NLRP14: variants seen among roughly 807,000 people sequenced by gnomAD.
NLRP14 encodes NACHT, LRR and PYD domains-containing protein 14.
Under a neutral mutation model 94.7 loss-of-function variants are expected in NLRP14, and 105 were observed. The ratio of observed to expected loss-of-function variants is 1.11; its 90% CI spans 0.95 to 1.30. The LOEUF is 1.30. Among genes scored for constraint, NLRP14 ranks in the 50% most tolerant of loss-of-function variants. NLRP14 has a pLI of 0.00. For synonymous variants in NLRP14, 508 were observed against 459.9 expected (o/e 1.10, Z -1.34); for missense variants, 1,362 against 1,254.1 (o/e 1.09, Z -1.30).
chr11:7,083,564 T>C, the NLRP14 span, among the ~76,000 whole-genome samples: 1 of 152,162 alleles, frequency 6.6e-6, no homozygotes, highest in Non-Finnish European at 1.5e-5. Context: ...TTCAGGGTCT[T>C]CTCCCAGGGA....
At chr11:7,064,447 G>A (rs1238563744) in intron 10 of NLRP14, among the ~76,000 whole-genome samples, 2 of 151,996 alleles carry the variant, frequency 1.3e-5, no homozygotes, top group African/African-American at 2.4e-5. Context: ...GGATCTAGGA[G>A]AAAAAAGAGA....
At chr11:7,079,266 G>A in the NLRP14 span, among the ~76,000 whole-genome samples, 1 of 152,202 alleles carries the variant, frequency 6.6e-6, no homozygotes, top group African/African-American at 2.4e-5. Context: ...CTCTCTTGGA[G>A]GATATGGAGG....
intron 1 of NLRP14, among the ~76,000 whole-genome samples, chr11:7,027,894 A>G (rs1156673778): frequency 6.6e-6 from 1 of 152,098 alleles, no homozygotes; most frequent in Non-Finnish European, 1.5e-5. Flanking sequence ...CTTCACTTGG[A>G]GTTTTAGACA....
chr11:7,062,197 C>A (rs1852632587), intron 9 of NLRP14, 136 bp from the exon 10 acceptor site: 3 of 717,480 alleles, frequency 4.2e-6, no homozygotes, highest in African/African-American at 1.8e-5. Flanking sequence ...ATAAATTAGA[C>A]CCTCCCATGT....
intron 10 of NLRP14, among the ~76,000 whole-genome samples, chr11:7,062,735 T>G (rs542296809): frequency 6.6e-6 from 1 of 152,216 alleles, no homozygotes; most frequent in Admixed American, 6.5e-5. Flanking sequence ...GGACAGATAC[T>G]TAGTACGCAA....
chr11:7,058,177 T>G (rs1181072024), intron 7 of NLRP14, 103 bp from the exon 8 acceptor site: 3 of 920,772 alleles, frequency 3.3e-6, no homozygotes, highest in Non-Finnish European at 5.3e-6. Flanking sequence ...AATTTTATAG[T>G]TGAGGTATGG....
intron 10 of NLRP14, among the ~76,000 whole-genome samples, chr11:7,066,921 G>A (rs1191516403): frequency 6.6e-6 from 1 of 152,114 alleles, no homozygotes; most frequent in African/African-American, 2.4e-5. Flanking sequence ...TCTGCATATG[G>A]CTAGCCAGTT....
At position 7,039,723 on chromosome 11, in the gene NLRP14, A is replaced by C. The variant is rs1327895316; in HGVS notation, c.299A>C (p.Gln100Pro). The change falls in exon 3 of 12, where the codon CAG becomes CCG. Residue 100 changes from glutamine (Q) to proline (P), a missense_variant. Coordinates refer to ENST00000299481, the MANE Select transcript of NLRP14 (RefSeq NM_176822.4). ...RAKEEINWSAQTIGPDDAKAG... is the reference protein window; with the variant it reads ...RAKEEINWSAPTIGPDDAKAG... ...TCGGAACCTGTTGCAGGGTCGGCCC[A>C]GACTATAGGACCAGATGATGCCAAG... is the stretch of plus-strand genomic sequence containing the variant. 8 of 1,613,728 alleles carry C rather than the reference A, an allele frequency of 5.0e-6. No homozygotes were observed. The highest frequency in any genetic ancestry group is 5.9e-6 in the Non-Finnish European group (7 of 1,179,724).
At chr11:7,082,079 A>G in the NLRP14 span, among the ~76,000 whole-genome samples, 2 of 152,162 alleles carry the variant, frequency 1.3e-5, no homozygotes, top group Non-Finnish European at 2.9e-5. Flanking sequence ...AGGAGTCTCC[A>G]AGGATTTTAG....
chr11:7,087,982 C>G, the NLRP14 span, among the ~76,000 whole-genome samples: 17 of 151,974 alleles, frequency 1.1e-4, no homozygotes, highest in African/African-American at 3.9e-4. Flanking sequence ...TTACATGAAG[C>G]AAAAACCAGA....
intron 9 of NLRP14, among the ~76,000 whole-genome samples, chr11:7,061,302 A>C (rs1190129908): frequency 6.6e-6 from 1 of 152,120 alleles, no homozygotes; most frequent in Admixed American, 6.6e-5. Flanking sequence ...TCATTATTCA[A>C]CTGGAAGACA....
Position 7,049,786 on chromosome 11 carries a change from A to C in NLRP14, c.2239A>C (p.Lys747Gln). The change falls in exon 6 of 12, where the codon AAG becomes CAG. Residue 747 changes from lysine to glutamine, a missense_variant. Coordinates refer to ENST00000299481, the MANE Select transcript of NLRP14 (RefSeq NM_176822.4). The stretch of plus-strand genomic sequence containing the variant: ...GAGTGATATAGGGGATAATGGAGTA[A>C]AGTCATTGTGTGAGGCCTTGAAACA... Reference protein sequence around the residue: ...KGSDIGDNGVKSLCEALKHPE... With the variant: ...KGSDIGDNGVQSLCEALKHPE... 1 of 1,611,922 alleles carries C rather than the reference A, an allele frequency of 6.2e-7. No individual in the cohort carries two copies. The highest frequency in any genetic ancestry group is 8.5e-7 in the Non-Finnish European group (1 of 1,178,046).
chr11:7,066,833 T>C (rs1414178736), intron 10 of NLRP14, among the ~76,000 whole-genome samples: 2 of 152,196 alleles, frequency 1.3e-5, no homozygotes, highest in African/African-American at 4.8e-5. Context: ...AGGTCTTATG[T>C]TTAAGTCTTT....
In NLRP14 at chr11:7,057,528, TTAAA is replaced by T. The variant is rs200061650; in HGVS notation, c.2292-145_2292-142del. 2.7e-3 allele frequency: 1,961 copies of T among 724,410 alleles called. 22 individuals are homozygous for T. The African/African-American group carries it at 0.028, about 10-fold the overall frequency. The allele number at this position is 724,410 out of a possible 1,614,324, so 44.9% of individuals were successfully genotyped here. Reference sequence around the variant, plus strand: ...ACTCTGTCAGAGCCTTATGCTTTAGTTAAATAACTTTTTTTCTGTGTAGAGAAGT... The same window carrying T: ...ACTCTGTCAGAGCCTTATGCTTTAGTTAACTTTTTTTCTGTGTAGAGAAGT... On this transcript the variant is annotated intron_variant, in intron 6 of 11. Coordinates refer to ENST00000299481, the MANE Select transcript of NLRP14 (RefSeq NM_176822.4).
chr11:7,089,613 G>T, the NLRP14 span: 2 of 1,204,070 alleles, frequency 1.7e-6, no homozygotes, highest in Non-Finnish European at 2.1e-6. Flanking sequence ...CAAGAGGGCC[G>T]CGCCGTCGGG....
rs11288450 is a variant in NLRP14, at chr11:7,039,005, TG to T, written c.289+131del. 0.64 allele frequency: 546,378 copies of T among 848,710 alleles called. 176,586 individuals carry two copies. Among genetic ancestry groups the T allele is most frequent in the East Asian group, 0.71 (26,610 of 37,438 alleles). 52.6% of individuals were successfully genotyped at this position (848,710 alleles called of 1,614,324 possible). A position where few individuals can be genotyped will look rare whatever the true frequency, so the allele number is the denominator to read the frequency against. On this transcript the variant is annotated intron_variant, in intron 2 of 11. Transcript: ENST00000299481. ...GGGGACATAAGCTCCATGGTGGTCT[TG>T]TGCATGGGGAGCTTGTTGAATTATT...
At chr11:7,049,947 T>A (rs970537111) in intron 6 of NLRP14, 109 bp downstream of exon 6, 9 of 917,472 alleles carry the variant, frequency 9.8e-6, no homozygotes, top group Middle Eastern at 2.2e-4. Flanking sequence ...GGCTTAAATC[T>A]ACTTTCATGA....
At chr11:7,026,703 A>G (rs1032275670) in intron 1 of NLRP14, among the ~76,000 whole-genome samples, 7 of 151,680 alleles carry the variant, frequency 4.6e-5, no homozygotes, top group African/African-American at 1.5e-4. Context: ...AGACACATGC[A>G]CACGTATGTT....
chr11:7,037,540 T>G (rs1364079244), intron 1 of NLRP14, among the ~76,000 whole-genome samples: 3 of 152,312 alleles, frequency 2.0e-5, no homozygotes, highest in Non-Finnish European at 2.9e-5. Flanking sequence ...CTTCAGGCAA[T>G]TCACCAAAAC....
Sources: allele counts gnomAD v4.1 joint callset (sites outside exome capture counted in the v4.1 genomes callset), GRCh38; gene constraint gnomAD v4.1.1; transcripts MANE v1.5; gene names NCBI Gene and HGNC (gene_info 2026-07-23, HGNC 2026-07-21).